Variants in GRIA4 observed in about 807,000 individuals in gnomAD.
GRIA4 encodes the protein glutamate receptor 4.
A neutral mutation model predicts 104.0 loss-of-function variants in GRIA4; 34 were observed. The observed-to-expected ratio is 0.33, with a 90% CI of 0.25 to 0.44. The LOEUF (loss-of-function observed/expected upper bound fraction) is 0.44. Among genes scored for constraint, GRIA4 ranks in the 20% least tolerant of loss-of-function variants. The pLI, the probability that GRIA4 is intolerant of heterozygous loss-of-function variation, is 1.00. For missense variants in GRIA4, 750 were observed against 1,096.5 expected, an observed-to-expected ratio of 0.68 and a Z score of 4.46; for synonymous variants, 386 against 381.9, an observed-to-expected ratio of 1.01 and a Z score of -0.13.
intron 3 of GRIA4, among the ~76,000 whole-genome samples, chr11:105,661,223 A>G (rs1390323012): frequency 6.6e-6 from 1 of 151,618 alleles, no homozygotes; most frequent in African/African-American, 2.4e-5. Context: ...GCATGGGTAG[A>G]CAAGAGTTGT....
chr11:105,939,014 C>A (rs1195964013), intron 14 of GRIA4, among the ~76,000 whole-genome samples: 3 of 152,100 alleles, frequency 2.0e-5, no homozygotes, highest in Non-Finnish European at 2.9e-5. Flanking sequence ...AATTACAACT[C>A]CTCATGAAGA....
chr11:105,739,059 G>T (rs1233014271), intron 3 of GRIA4, among the ~76,000 whole-genome samples: 1 of 151,674 alleles, frequency 6.6e-6, no homozygotes, highest in Non-Finnish European at 1.5e-5. Context: ...ACTTATTGTA[G>T]CCCTTACGGT....
At chr11:105,715,459 C>T (rs1475787376) in intron 3 of GRIA4, among the ~76,000 whole-genome samples, 1 of 152,092 alleles carries the variant, frequency 6.6e-6, no homozygotes, top group Non-Finnish European at 1.5e-5. Flanking sequence ...AAGAAGCCTA[C>T]AGATAGATGT....
chr11:105,875,501 G>T (rs1052984237), intron 5 of GRIA4, among the ~76,000 whole-genome samples: 5 of 152,064 alleles, frequency 3.3e-5, no homozygotes, highest in African/African-American at 1.2e-4. Flanking sequence ...ACCAACTCCT[G>T]TTTGTACCTT....
intron 3 of GRIA4, among the ~76,000 whole-genome samples, chr11:105,672,834 T>C (rs1194316801): frequency 6.6e-6 from 1 of 152,142 alleles, no homozygotes; most frequent in Non-Finnish European, 1.5e-5. Flanking sequence ...TTTCCAAACT[T>C]TATGACTTTT....
chr11:105,872,250 TAAAAG>T (rs1328407884), intron 5 of GRIA4, among the ~76,000 whole-genome samples: 1 of 151,990 alleles, frequency 6.6e-6, no homozygotes, highest in Non-Finnish European at 1.5e-5. Context: ...TCCAAGAAAA[TAAAAG>T]AAAACTTGAT....
chr11:105,895,878 T>C (rs145194960), intron 6 of GRIA4, among the ~76,000 whole-genome samples: 1 of 152,332 alleles, frequency 6.6e-6, no homozygotes, highest in African/African-American at 2.4e-5. Flanking sequence ...ACTGCTGCAA[T>C]AAACATATGA....
intron 4 of GRIA4, among the ~76,000 whole-genome samples, chr11:105,830,135 C>T (rs1055737113): frequency 2.6e-5 from 4 of 151,948 alleles, no homozygotes; most frequent in Admixed American, 1.3e-4. Flanking sequence ...TTGACAATTA[C>T]GCCATTCTGT....
chr11:105,614,800 G>A (rs1950559980), intron 3 of GRIA4, among the ~76,000 whole-genome samples: 1 of 151,920 alleles, frequency 6.6e-6, no homozygotes, highest in Non-Finnish European at 1.5e-5. Context: ...GTGTGGGTCA[G>A]GTGATTGGTG....
At chr11:105,795,945 A>T (rs1942461585) in intron 4 of GRIA4, among the ~76,000 whole-genome samples, 1 of 152,166 alleles carries the variant, frequency 6.6e-6, no homozygotes, top group South Asian at 2.1e-4. Context: ...TCAGCAAATG[A>T]CAAGTGGCAT....
intron 3 of GRIA4, among the ~76,000 whole-genome samples, chr11:105,618,047 G>A (rs529217522): frequency 5.3e-5 from 8 of 152,052 alleles, no homozygotes; most frequent in East Asian, 1.9e-4. Context: ...AGCATGCCTC[G>A]TCAAAGGAGT....
intron 4 of GRIA4, among the ~76,000 whole-genome samples, chr11:105,789,967 G>A (rs1034993305): frequency 2.6e-5 from 4 of 152,174 alleles, no homozygotes; most frequent in African/African-American, 9.7e-5. Context: ...GGAATGGACA[G>A]CAACACTGAT....
At chr11:105,669,315 T>C (rs1481936560) in intron 3 of GRIA4, among the ~76,000 whole-genome samples, 2 of 152,054 alleles carry the variant, frequency 1.3e-5, no homozygotes, top group Non-Finnish European at 1.5e-5. Flanking sequence ...TTCTAATGTA[T>C]ATGTAAATGT....
chr11:105,619,239 C>G (rs971397534), intron 3 of GRIA4, among the ~76,000 whole-genome samples: 29 of 151,896 alleles, frequency 1.9e-4, no homozygotes, highest in African/African-American at 7.0e-4. Context: ...AGTTACGTAA[C>G]ACTTCTGAGT....
intron 5 of GRIA4, among the ~76,000 whole-genome samples, chr11:105,868,671 G>GA (rs1387465412): frequency 1.3e-5 from 2 of 152,078 alleles, no homozygotes; most frequent in Non-Finnish European, 2.9e-5. Context: ...TGTACAGGCT[G>GA]AAAAAAGCAA....
chr11:105,855,675 A>G (rs1389165004), intron 4 of GRIA4, among the ~76,000 whole-genome samples: 8 of 152,142 alleles, frequency 5.3e-5, no homozygotes, highest in African/African-American at 1.9e-4. Context: ...TTATTGTAAA[A>G]AGATGTTTGT....
At chr11:105,811,327 G>T (rs556355488) in intron 4 of GRIA4, among the ~76,000 whole-genome samples, 20 of 152,264 alleles carry the variant, frequency 1.3e-4, no homozygotes, top group African/African-American at 4.1e-4. Flanking sequence ...AACTTATCTG[G>T]AAGGCAGAGG....
intron 4 of GRIA4, among the ~76,000 whole-genome samples, chr11:105,804,307 C>T (rs1426514508): frequency 1.3e-5 from 2 of 151,382 alleles, no homozygotes; most frequent in African/African-American, 4.8e-5. Context: ...ACTTCATGAA[C>T]ATCAAATGTT....
chr11:105,779,312 A>T (rs1565229563), intron 4 of GRIA4, among the ~76,000 whole-genome samples: 1 of 152,146 alleles, frequency 6.6e-6, no homozygotes. Flanking sequence ...ATGGAAGAAC[A>T]TTCCATGCTC....
Sources: gnomAD v4.1 joint callset for allele counts (sites outside exome capture counted in the v4.1 genomes callset) on GRCh38, gnomAD v4.1.1 for gene constraint, MANE v1.5 for transcripts, NCBI Gene and HGNC (gene_info 2026-07-23, HGNC 2026-07-21) for gene names.